Variants in ARHGAP44 observed in about 807,000 individuals in gnomAD.
The protein encoded by ARHGAP44 is rho GTPase-activating protein 44.
A neutral mutation model predicts 106.8 loss-of-function variants in ARHGAP44; 43 were observed. The ratio of observed to expected loss-of-function variants is 0.40; its 90% CI spans 0.32 to 0.52. The LOEUF (loss-of-function observed/expected upper bound fraction) is 0.52, where lower values mean the gene tolerates loss of function less well. Ranked by LOEUF, ARHGAP44 falls within the 20% of genes least tolerant of loss-of-function variation. ARHGAP44 has a pLI of 0.48. For synonymous variants in ARHGAP44, 439 were observed against 410.3 expected, an observed-to-expected ratio of 1.07 and a Z score of -0.85; for missense variants, 866 against 1,050.5, an observed-to-expected ratio of 0.82 and a Z score of 2.43.
chr17:12,828,682 C>T (rs1342882732), intron 1 of ARHGAP44, among the ~76,000 whole-genome samples: 1 of 129,792 alleles, frequency 7.7e-6, no homozygotes, highest in Admixed American at 8.4e-5. Context: ...CTCTCTGTCA[C>T]TCAGGCTGCA....
intron 6 of ARHGAP44, among the ~76,000 whole-genome samples, chr17:12,928,516 T>C (rs531015565): frequency 2.0e-5 from 3 of 152,130 alleles, no homozygotes; most frequent in African/African-American, 7.2e-5. Context: ...TTCCATACTG[T>C]GTGTGTGTGT....
chr17:12,855,914 C>G (rs2150857281), intron 1 of ARHGAP44, among the ~76,000 whole-genome samples: 1 of 152,286 alleles, frequency 6.6e-6, no homozygotes, highest in East Asian at 1.9e-4. Flanking sequence ...AAAAGTCATG[C>G]TTGTGGTCGA....
At chr17:12,889,396 T>C (rs2036975215) in intron 1 of ARHGAP44, among the ~76,000 whole-genome samples, 1 of 152,166 alleles carries the variant, frequency 6.6e-6, no homozygotes, top group South Asian at 2.1e-4. Context: ...CATTATAACA[T>C]GGCAGAAGGG....
At chr17:12,959,034 C>T in intron 16 of ARHGAP44, 137 bp downstream of exon 16, 3 of 1,048,980 alleles carry the variant, frequency 2.9e-6, no homozygotes, top group African/African-American at 3.1e-5. Context: ...AGCAATTAAA[C>T]TGTATCTGCT....
chr17:12,887,269 C>T (rs916086326), intron 1 of ARHGAP44, among the ~76,000 whole-genome samples: 3 of 152,140 alleles, frequency 2.0e-5, no homozygotes, highest in African/African-American at 7.2e-5. Context: ...GCTCTGCTCT[C>T]CAGGCTGGAG....
At chr17:12,813,441 C>A (rs2034497637) in intron 1 of ARHGAP44, among the ~76,000 whole-genome samples, 1 of 151,926 alleles carries the variant, frequency 6.6e-6, no homozygotes, top group Non-Finnish European at 1.5e-5. Flanking sequence ...AAGTTAAAAC[C>A]ACTAACAGTG....
chr17:12,923,574 A>T (rs1302025559), intron 6 of ARHGAP44, among the ~76,000 whole-genome samples: 1 of 152,132 alleles, frequency 6.6e-6, no homozygotes, highest in African/African-American at 2.4e-5. Flanking sequence ...TTTCCCCTTC[A>T]GGTGTCAGCT....
Position 12,984,437 on chromosome 17 carries a change from A to G in ARHGAP44, c.1940-94A>G. The G allele has an allele frequency of 2.9e-6, 4 of 1,381,436 alleles. No individual in the cohort carries two copies. In the South Asian group the frequency reaches 6.6e-5, roughly 23 times the overall value. The allele number at this position is 1,381,436 out of a possible 1,614,324, so 85.6% of individuals were successfully genotyped here. ...GTGGCGAGGGGCAGGAGGTGGGGAC[A>G]GCTTTGAACGCTGAAGGGTGTGTGA... On this transcript the variant is annotated intron_variant, in intron 19 of 20. Transcript: ENST00000379672.
intron 1 of ARHGAP44, among the ~76,000 whole-genome samples, chr17:12,830,691 T>G (rs1337152370): frequency 6.6e-6 from 1 of 152,194 alleles, no homozygotes; most frequent in African/African-American, 2.4e-5. Context: ...TTAGGTGCCC[T>G]GTAAGGTCTT....
chr17:12,914,651 C>G (rs1264318086), intron 4 of ARHGAP44, among the ~76,000 whole-genome samples: 1 of 151,960 alleles, frequency 6.6e-6, no homozygotes, highest in Non-Finnish European at 1.5e-5. Context: ...AAAAAATTAG[C>G]CGGGTGTGGT....
rs577766470 is a variant in ARHGAP44, at chr17:12,949,970, C to T, written c.1055+240C>T. On this transcript the variant is annotated intron_variant, in intron 12 of 20. Transcript: ENST00000379672. This position sits in a 1 kb window ranked among gnomAD's most constrained non-coding sequence, Gnocchi z 4.1. ...ATTGGAGAAGGGGGTTGGGAAGTGGCTAAGTAAACTGTGGAGTGTCTGTAC... is the reference window on the plus strand; with the variant it reads ...ATTGGAGAAGGGGGTTGGGAAGTGGTTAAGTAAACTGTGGAGTGTCTGTAC... Among the ~76,000 whole-genome samples, 1 of 150,282 alleles carries T rather than the reference C, an allele frequency of 6.7e-6. No individual in the cohort carries two copies. The highest frequency in any genetic ancestry group is 1.9e-4 in the East Asian group (1 of 5,138).
chr17:12,927,964 C>G (rs2038295685), intron 6 of ARHGAP44, among the ~76,000 whole-genome samples: 1 of 152,014 alleles, frequency 6.6e-6, no homozygotes, highest in Non-Finnish European at 1.5e-5. Flanking sequence ...CTCTATAACC[C>G]ATTGAGTTTA....
intron 3 of ARHGAP44, among the ~76,000 whole-genome samples, chr17:12,899,427 A>AT (rs1567675561): frequency 6.6e-6 from 1 of 152,092 alleles, no homozygotes; most frequent in South Asian, 2.1e-4. Context: ...TCCAAACTCA[A>AT]TTTTTTTCAG....
chr17:12,890,743 A>G (rs139102219), intron 1 of ARHGAP44, among the ~76,000 whole-genome samples: 1 of 152,338 alleles, frequency 6.6e-6, no homozygotes, highest in African/African-American at 2.4e-5. Flanking sequence ...TGAATTTTCC[A>G]GATGGTTACA....
chr17:12,976,812 C>T lies in ARHGAP44; in HGVS notation c.1763+2502C>T, dbSNP rs56989452. ...CAGATGGACCTGAGAGATGCAGATG[C>T]GGGCACAGTGAGTTCATTGGAGAAG... is the stretch of plus-strand genomic sequence containing the variant. On this transcript the variant is annotated intron_variant, in intron 18 of 20. Transcript: ENST00000379672. Among the ~76,000 whole-genome samples the T allele has an allele frequency of 8.0e-3, 1,220 of 151,994 alleles. 13 individuals carry two copies. Among genetic ancestry groups the T allele is most frequent in the African/African-American group, 0.028 (1,150 of 41,446 alleles).
At chr17:12,920,209 A>G (rs1038370692) in intron 6 of ARHGAP44, among the ~76,000 whole-genome samples, 42 of 151,942 alleles carry the variant, frequency 2.8e-4, no homozygotes, top group Non-Finnish European at 5.7e-4. Context: ...CCCTGTCTCT[A>G]CTAAAAATAC....
intron 1 of ARHGAP44, among the ~76,000 whole-genome samples, chr17:12,833,589 C>A (rs1433757858): frequency 6.6e-6 from 1 of 152,118 alleles, no homozygotes; most frequent in Non-Finnish European, 1.5e-5. Flanking sequence ...GAGTCACACT[C>A]TATAAAATAT....
At chr17:12,825,485 A>C (rs975456452) in intron 1 of ARHGAP44, among the ~76,000 whole-genome samples, 10 of 151,930 alleles carry the variant, frequency 6.6e-5, no homozygotes, top group African/African-American at 1.9e-4. Flanking sequence ...GAGTTGGCTC[A>C]TGTGGTTGTG....
chr17:12,798,677 C>T (rs2033997980), intron 1 of ARHGAP44, among the ~76,000 whole-genome samples: 1 of 151,738 alleles, frequency 6.6e-6, no homozygotes, highest in African/African-American at 2.4e-5. Context: ...TGTTGGCATT[C>T]AACATTCATA....
Sources: allele counts gnomAD v4.1 joint callset (sites outside exome capture counted in the v4.1 genomes callset), GRCh38; gene constraint gnomAD v4.1.1; non-coding constraint Gnocchi (gnomAD v3.1); transcripts MANE v1.5; gene names NCBI Gene and HGNC (gene_info 2026-07-23, HGNC 2026-07-21).